The following GLCCI1 variants were observed in gnomAD, a reference collection of about 807,000 sequenced individuals.
GLCCI1 encodes glucocorticoid induced 1.
GLCCI1 carries 24 observed loss-of-function variants against 52.2 expected under a neutral mutation model. That is an observed-to-expected ratio of 0.46 (90% confidence interval 0.33 to 0.65). GLCCI1 has a LOEUF of 0.65. Ranked by LOEUF, GLCCI1 falls within the 30% of genes least tolerant of loss-of-function variation. The pLI is 0.02. For synonymous variants in GLCCI1, 310 were observed against 276.5 expected (o/e 1.12, Z -1.20); for missense variants, 704 against 701.5 (o/e 1.00, Z -0.04).
At chr7:8,049,417 A>G (rs1782207600) in intron 3 of GLCCI1, among the ~76,000 whole-genome samples, 2 of 152,194 alleles carry the variant, frequency 1.3e-5, no homozygotes, top group Admixed American at 1.3e-4. Flanking sequence ...TCTCTTTGAA[A>G]TCAAAGGAAT....
intron 2 of GLCCI1, among the ~76,000 whole-genome samples, chr7:8,005,838 G>A (rs1390453795): frequency 6.6e-6 from 1 of 151,284 alleles, no homozygotes; most frequent in African/African-American, 2.4e-5. Context: ...CTGTCTTGTT[G>A]CCCAGGCTGG....
chr7:8,000,142 G>A (rs190871584), intron 1 of GLCCI1, among the ~76,000 whole-genome samples: 84 of 152,148 alleles, frequency 5.5e-4, no homozygotes, highest in African/African-American at 1.7e-3. Context: ...GATAAATGTC[G>A]GCTTTGCCTC....
intron 2 of GLCCI1, among the ~76,000 whole-genome samples, chr7:8,006,159 G>T (rs1427366121): frequency 1.3e-5 from 2 of 152,190 alleles, no homozygotes; most frequent in Non-Finnish European, 2.9e-5. Flanking sequence ...GCCAGAGAAA[G>T]AGCGAAAGGC....
intron 2 of GLCCI1, among the ~76,000 whole-genome samples, chr7:8,020,899 A>G (rs1357365629): frequency 6.6e-6 from 1 of 152,206 alleles, no homozygotes; most frequent in Non-Finnish European, 1.5e-5. Context: ...AATTATTTTC[A>G]GAGTACGTCA....
At chr7:8,031,076 A>G (rs1185014507) in intron 3 of GLCCI1, among the ~76,000 whole-genome samples, 10 of 152,162 alleles carry the variant, frequency 6.6e-5, no homozygotes, top group Non-Finnish European at 1.5e-4. Flanking sequence ...TATTGAAGAG[A>G]TATCTGCACT....
intron 1 of GLCCI1, among the ~76,000 whole-genome samples, chr7:7,989,945 A>G (rs1780807374): frequency 6.6e-6 from 1 of 152,154 alleles, no homozygotes; most frequent in Non-Finnish European, 1.5e-5. Flanking sequence ...GAGCTACATT[A>G]CTTATAATGC....
At position 7,969,180 on chromosome 7, in the gene GLCCI1, G is replaced by A. The variant is rs1051876421; in HGVS notation, c.-171G>A. 4.4e-5 allele frequency: 26 copies of A among 592,024 alleles called. No homozygotes were observed. Among genetic ancestry groups the A allele is most frequent in the Non-Finnish European group, 4.4e-5 (19 of 435,916 alleles). 36.7% of individuals were successfully genotyped at this position (592,024 alleles called of 1,614,324 possible). On this transcript the variant is annotated 5_prime_UTR_variant, in exon 1 of 8. Transcript: ENST00000223145. This position sits in a 1 kb window ranked among gnomAD's most constrained non-coding sequence, Gnocchi z 4.9. ...TCCCCTCCCCCCTCGCCGAGGCGGCGGGGGTGTGCGTTGGGGAGGGGGAGC... is the reference window on the plus strand; with the variant it reads ...TCCCCTCCCCCCTCGCCGAGGCGGCAGGGGTGTGCGTTGGGGAGGGGGAGC...
At chr7:8,077,630 T>C (rs1782902381) in intron 6 of GLCCI1, among the ~76,000 whole-genome samples, 1 of 90,802 alleles carries the variant, frequency 1.1e-5, no homozygotes, top group South Asian at 3.3e-4. Flanking sequence ...ATTAAATGTG[T>C]TCAGGTGATT....
At chr7:8,059,534 T>G (rs1186934869) in intron 4 of GLCCI1, among the ~76,000 whole-genome samples, 1 of 152,240 alleles carries the variant, frequency 6.6e-6, no homozygotes, top group Non-Finnish European at 1.5e-5. Context: ...TGAGAACTCC[T>G]GCCAAGGACT....
intron 2 of GLCCI1, among the ~76,000 whole-genome samples, chr7:8,020,522 G>A (rs1781461972): frequency 6.6e-6 from 1 of 152,176 alleles, no homozygotes; most frequent in Non-Finnish European, 1.5e-5. Context: ...TCCTTTTGCT[G>A]TTGGCGTGCT....
At chr7:8,069,540 G>A (rs1021399936) in intron 5 of GLCCI1, among the ~76,000 whole-genome samples, 2 of 152,078 alleles carry the variant, frequency 1.3e-5, no homozygotes, top group Admixed American at 6.5e-5. Flanking sequence ...GGCCTGAGCC[G>A]GGAGCCCCAC....
At chr7:7,982,148 T>A (rs1780636337) in intron 1 of GLCCI1, 1 of 365,062 alleles carries the variant, frequency 2.7e-6, no homozygotes, top group Admixed American at 3.5e-5. Context: ...CCAGACATCT[T>A]TATGAAAGAG....
At chr7:8,076,828 A>T (rs1782885500) in intron 6 of GLCCI1, among the ~76,000 whole-genome samples, 1 of 151,156 alleles carries the variant, frequency 6.6e-6, no homozygotes, top group South Asian at 2.1e-4. Context: ...GTAGTGCTTA[A>T]TGGAGATTTT....
At chr7:8,053,888 T>C (rs1032799431) in intron 3 of GLCCI1, among the ~76,000 whole-genome samples, 2 of 152,170 alleles carry the variant, frequency 1.3e-5, no homozygotes, top group African/African-American at 4.8e-5. Context: ...TTTAGGTTGG[T>C]AATCTAAGTG....
intron 7 of GLCCI1, among the ~76,000 whole-genome samples, chr7:8,085,443 A>C (rs985569568): frequency 1.3e-5 from 2 of 152,228 alleles, no homozygotes. Flanking sequence ...TTCTGTTCAC[A>C]AGGGGTTTGT....
chr7:8,014,143 C>G (rs1275235063), intron 2 of GLCCI1, among the ~76,000 whole-genome samples: 1 of 152,128 alleles, frequency 6.6e-6, no homozygotes, highest in Admixed American at 6.6e-5. Context: ...GCGCCCGCCA[C>G]CATGCCCAGC....
chr7:8,039,404 C>CTG (rs532680579), intron 3 of GLCCI1, among the ~76,000 whole-genome samples: 31 of 151,924 alleles, frequency 2.0e-4, no homozygotes, highest in Non-Finnish European at 3.7e-4. Context: ...AAATGTGTGT[C>CTG]TGTGTGTGTG....
chr7:8,060,339 A>G (rs1782485495), intron 5 of GLCCI1, 91 bp downstream of exon 5: 5 of 957,532 alleles, frequency 5.2e-6, no homozygotes, highest in Non-Finnish European at 6.3e-6. Flanking sequence ...TTGTTAAGAT[A>G]TAATTCACAT....
intron 6 of GLCCI1, among the ~76,000 whole-genome samples, chr7:8,077,990 T>G (rs1320686095): frequency 6.6e-6 from 1 of 151,852 alleles, no homozygotes; most frequent in Non-Finnish European, 1.5e-5. Flanking sequence ...ATCCCAGCAC[T>G]TTGGGAGGCC....
Sources: allele counts gnomAD v4.1 joint callset (sites outside exome capture counted in the v4.1 genomes callset), GRCh38; gene constraint gnomAD v4.1.1; non-coding constraint Gnocchi (gnomAD v3.1); transcripts MANE v1.5; gene names NCBI Gene and HGNC (gene_info 2026-07-23, HGNC 2026-07-21).